PLD1: variants seen among roughly 807,000 people sequenced by gnomAD.
The protein encoded by PLD1 is choline phosphatase 1.
Under a neutral mutation model 137.1 loss-of-function variants are expected in PLD1, and 112 were observed. That is an observed-to-expected ratio of 0.82 (90% CI 0.70 to 0.96). The LOEUF (loss-of-function observed/expected upper bound fraction) is 0.96. PLD1 is among the 40% of genes least tolerant of loss of function. The pLI is 0.00. For missense variants in PLD1, 1,321 were observed against 1,342.0 expected (o/e 0.98, Z 0.24); for synonymous variants, 431 against 454.7 (o/e 0.95, Z 0.66).
intron 1 of PLD1, among the ~76,000 whole-genome samples, chr3:171,770,001 A>G (rs1383817818): frequency 1.3e-5 from 2 of 152,214 alleles, no homozygotes; most frequent in Admixed American, 1.3e-4. Flanking sequence ...CACCAAATTG[A>G]ACTACTCCTA....
intron 1 of PLD1, among the ~76,000 whole-genome samples, chr3:171,768,437 G>A (rs1722122606): frequency 6.6e-6 from 1 of 152,184 alleles, no homozygotes; most frequent in Admixed American, 6.5e-5. Context: ...AACTGCAGAT[G>A]AAAAGCCTGC....
At chr3:171,637,684 G>A (rs1242319260) in intron 23 of PLD1, among the ~76,000 whole-genome samples, 2 of 152,106 alleles carry the variant, frequency 1.3e-5, no homozygotes, top group South Asian at 2.1e-4. Flanking sequence ...ATCATAAAGT[G>A]TAATTACACA....
chr3:171,707,141 G>C (rs1157501836), intron 11 of PLD1, among the ~76,000 whole-genome samples: 1 of 152,110 alleles, frequency 6.6e-6, no homozygotes, highest in Non-Finnish European at 1.5e-5. Context: ...ACATACAAGG[G>C]AACAACACAC....
intron 22 of PLD1, among the ~76,000 whole-genome samples, chr3:171,643,470 C>T (rs1735944436): frequency 6.6e-6 from 1 of 151,914 alleles, no homozygotes; most frequent in Admixed American, 6.6e-5. Context: ...CATCTGCTTG[C>T]TCTATGAGAG....
At chr3:171,757,500 G>T (rs1439482344) in intron 1 of PLD1, among the ~76,000 whole-genome samples, 2 of 152,188 alleles carry the variant, frequency 1.3e-5, no homozygotes, top group Non-Finnish European at 2.9e-5. Context: ...TGTTGGAAAA[G>T]ACACGGGATG....
intron 22 of PLD1, among the ~76,000 whole-genome samples, chr3:171,644,495 G>A (rs1048655052): frequency 2.0e-5 from 3 of 152,220 alleles, no homozygotes; most frequent in Admixed American, 2.0e-4. Context: ...CAACCTTGTT[G>A]AAGGACTTGC....
At position 171,687,407 on chromosome 3, in the gene PLD1, C is replaced by T. The variant is rs752945736; in HGVS notation, c.1717G>A (p.Asp573Asn). The T allele has an allele frequency of 3.7e-6, 6 of 1,614,008 alleles. No homozygotes were observed. The highest frequency in any genetic ancestry group is 2.2e-5 in the East Asian group (1 of 44,888). The stretch of plus-strand genomic sequence containing the variant: ...TCAATGCTGCTGATGCTATCTGCGT[C>T]GTGCAGGTGGTGCCTGTGGAGCTGC... ...YKQLHRHHLH[D>N]ADSISSIDST... The change falls in exon 15 of 27, where the codon GAC becomes AAC. Residue 573 changes from aspartate (D) to asparagine (N), a missense_variant. Asp to Asn is a conservative substitution (Grantham distance 23, BLOSUM62 1). Transcript: ENST00000351298.
chr3:171,712,718 G>A (rs563934557), intron 9 of PLD1, among the ~76,000 whole-genome samples: 5 of 152,252 alleles, frequency 3.3e-5, no homozygotes, highest in African/African-American at 1.2e-4. Flanking sequence ...AATGACATAC[G>A]GGTAAGTGAG....
chr3:171,620,742 C>CA (rs1733533804), intron 23 of PLD1, among the ~76,000 whole-genome samples: 1 of 94,794 alleles, frequency 1.1e-5, no homozygotes, highest in African/African-American at 4.3e-5. Flanking sequence ...CTCTCTCTCT[C>CA]TATATATATA....
chr3:171,696,437 T>C (rs1181230572), intron 12 of PLD1, among the ~76,000 whole-genome samples: 1 of 152,204 alleles, frequency 6.6e-6, no homozygotes, highest in Non-Finnish European at 1.5e-5. Flanking sequence ...ATTCTATTTT[T>C]TCTTAAGAAA....
At chr3:171,794,832 A>G (rs1284577179) in intron 1 of PLD1, among the ~76,000 whole-genome samples, 1 of 152,252 alleles carries the variant, frequency 6.6e-6, no homozygotes, top group African/African-American at 2.4e-5. Context: ...TGTAACCATG[A>G]CTAGGCTATG....
chr3:171,677,035 CAT>C (rs1440790069), intron 17 of PLD1, among the ~76,000 whole-genome samples: 1 of 152,052 alleles, frequency 6.6e-6, no homozygotes, highest in Admixed American at 6.5e-5. Flanking sequence ...CACTTCCCCA[CAT>C]ATGTTTCCGT....
intron 12 of PLD1, among the ~76,000 whole-genome samples, chr3:171,698,778 T>G (rs1012180495): frequency 7.1e-6 from 1 of 140,806 alleles, no homozygotes; most frequent in African/African-American, 2.7e-5. Flanking sequence ...GCCAATGTGG[T>G]GAAACCCCGT....
At chr3:171,796,402 A>G (rs900759183) in intron 1 of PLD1, among the ~76,000 whole-genome samples, 8 of 152,220 alleles carry the variant, frequency 5.3e-5, no homozygotes, top group Admixed American at 1.3e-4. Flanking sequence ...ACATACTAAG[A>G]AAACCATAGC....
intron 1 of PLD1, chr3:171,792,577 T>C: frequency 2.2e-6 from 1 of 456,676 alleles, no homozygotes; most frequent in Non-Finnish European, 4.4e-6. Context: ...CCTGTTTCCC[T>C]GCCCAGCCCC....
intron 26 of PLD1, 145 bp from the exon 27 acceptor site, chr3:171,603,447 G>C (rs1027898265): frequency 3.8e-5 from 24 of 624,300 alleles, no homozygotes; most frequent in Non-Finnish European, 6.5e-5. Context: ...CCTGATTTAA[G>C]AGTTGGTTAT....
chr3:171,809,361 ATTCCTTTCCTTCTTTAAGT>A (rs1724017695), intron 1 of PLD1: 1 of 152,212 alleles, frequency 6.6e-6, no homozygotes, highest in African/African-American at 2.4e-5. Context: ...CAAATTGCAG[ATTCCTTTCCTTCTTTAAGT>A]TTTCATTGCA....
chr3:171,761,977 CT>C (rs1721426397), intron 1 of PLD1, among the ~76,000 whole-genome samples: 2 of 152,216 alleles, frequency 1.3e-5, no homozygotes, highest in Non-Finnish European at 2.9e-5. Flanking sequence ...AGAAACGTAA[CT>C]TTGGACTCTA....
intron 19 of PLD1, among the ~76,000 whole-genome samples, chr3:171,662,818 TAATAAAGG>T (rs1466394262): frequency 5.9e-5 from 9 of 152,228 alleles, no homozygotes; most frequent in African/African-American, 2.2e-4. Context: ...TCTAATGGCA[TAATAAAGG>T]AAATTAATCA....
Sources: gnomAD v4.1 joint callset for allele counts (sites outside exome capture counted in the v4.1 genomes callset) on GRCh38, gnomAD v4.1.1 for gene constraint, MANE v1.5 for transcripts, NCBI Gene and HGNC (gene_info 2026-07-23, HGNC 2026-07-21) for gene names.